Variants in NES observed in about 807,000 individuals in gnomAD.
The protein encoded by NES is nestin.
NES carries 27 observed loss-of-function variants against 35.6 expected under a neutral mutation model. The observed-to-expected ratio is 0.76, with a 90% CI of 0.56 to 1.04. The LOEUF (loss-of-function observed/expected upper bound fraction) is 1.04, where lower values mean the gene tolerates loss of function less well. Among genes scored for constraint, NES ranks in the 50% least tolerant of loss-of-function variants. The pLI is 0.00. For missense variants in NES, 1,867 were observed against 1,983.6 expected (o/e 0.94, Z 1.12); for synonymous variants, 822 against 824.2 (o/e 1.00, Z 0.04).
At chr1:156,674,674 G>A (rs1378403688) in intron 2 of NES, among the ~76,000 whole-genome samples, 3 of 152,204 alleles carry the variant, frequency 2.0e-5, no homozygotes, top group Non-Finnish European at 2.9e-5. Flanking sequence ...TGAAAGGCTG[G>A]GCAGGACCAA....
rs1466691267 is a variant in NES at position 156,677,045 on chromosome 1, T to G, written c.220A>C (p.Lys74Gln). The G allele has an allele frequency of 6.3e-7, 1 of 1,589,184 alleles. No homozygotes were observed. The highest frequency in any genetic ancestry group is 8.5e-7 in the Non-Finnish European group (1 of 1,170,682). ...RALVDQRWRE[K>Q]HAAEVARDNL... ...TCGCGCGCCACCTCGGCCGCGTGCT[T>G]CTCCCGCCAGCGTTGGTCAACGAGG... Residue 74 changes from lysine to glutamine, a missense_variant, in exon 1 of 4, where the codon AAG becomes CAG. Lys to Gln is a moderately conservative substitution (Grantham distance 53). Transcript: ENST00000368223. This position sits in a 1 kb window ranked among gnomAD's most constrained non-coding sequence, Gnocchi z 4.5.
Position 156,676,633 on chromosome 1 carries a change from AGCCGCTCGC to A in NES, c.623_631del (p.Arg208_Arg210del). The A allele has an allele frequency of 6.5e-7, 1 of 1,536,736 alleles. No homozygotes were observed. The highest frequency in any genetic ancestry group is 8.7e-7 in the Non-Finnish European group (1 of 1,154,488). On this transcript the variant is annotated inframe_deletion, in exon 1 of 4. Coordinates refer to ENST00000368223, the MANE Select transcript of NES (RefSeq NM_006617.2). The surrounding 1 kb of genome is among the most constrained non-coding windows in gnomAD (Gnocchi z 5.3). ...GCGGGCACCCTGCACCGCCCGGCCC[AGCCGCTCGC>A]GGGCCTGGCCCAGCGACGTCTCCAT...
At position 156,672,662 on chromosome 1, in the gene NES, G is replaced by A. The variant is rs1421960555; in HGVS notation, c.1526C>T (p.Thr509Ile). Residue 509 changes from threonine to isoleucine, a missense_variant, in exon 4 of 4, where the codon ACA (threonine) becomes ATA (isoleucine). Physicochemically the swap from Thr to Ile is moderately conservative, Grantham distance 89. Transcript: ENST00000368223. Reference protein sequence around the residue: ...GQIWGLVEKETAIEGKVVSSL... With the variant: ...GQIWGLVEKEIAIEGKVVSSL... ...GCTTACCACTTTGCCCTCTATGGCT[G>A]TTTCTTTCTCTACCAACCCCCAGAT... The A allele has an allele frequency of 1.9e-6, 3 of 1,613,854 alleles. No homozygotes were observed. The highest frequency in any genetic ancestry group is 2.2e-5 in the East Asian group (1 of 44,884).
Position 156,670,333 on chromosome 1 carries a change from C to A in NES, c.3855G>T (p.Glu1285Asp). 1.2e-6 allele frequency: 2 copies of A among 1,611,658 alleles called. No homozygotes were observed. Among genetic ancestry groups the A allele is most frequent in the South Asian group, 2.2e-5 (2 of 90,778 alleles). The change falls in exon 4 of 4, where the codon GAG becomes GAT. Residue 1285 changes from glutamate (E) to aspartate (D), a missense_variant. Glu to Asp is a conservative substitution (Grantham distance 45). Transcript: ENST00000368223. The part of the protein sequence containing the change: ...PQEEGEESRE[E>D]SEEDELGETL... ...TCTCCCCGAGCTCATCCTCCTCGCT[C>A]TCTTCTCTGCTCTCCTCCCCTTCCT...
intron 2 of NES, 47 bp downstream of exon 2, chr1:156,675,169 T>G (rs1309100968): frequency 3.8e-6 from 6 of 1,592,850 alleles, no homozygotes; most frequent in Non-Finnish European, 5.1e-6. Context: ...TGCCCCAGCA[T>G]GTGTGTGTGC....
At position 156,677,384 on chromosome 1, in the gene NES, G is replaced by A. The variant is rs546346721; in HGVS notation, c.-120C>T. ...GACGGGGACAATGACGGGGCGGGGCGGGGTGGGAGTAGCCTGAGCGACTGA... is the reference window on the plus strand; with the variant it reads ...GACGGGGACAATGACGGGGCGGGGCAGGGTGGGAGTAGCCTGAGCGACTGA... On this transcript the variant is annotated 5_prime_UTR_variant, in exon 1 of 4. Transcript: ENST00000368223. The surrounding 1 kb of genome is among the most constrained non-coding windows in gnomAD (Gnocchi z 4.5). 2 of 692,774 alleles carry A rather than the reference G, an allele frequency of 2.9e-6. No homozygotes were observed. Among genetic ancestry groups the A allele is most frequent in the South Asian group, 1.7e-5 (1 of 58,464 alleles). 42.9% of individuals were successfully genotyped at this position (692,774 alleles called of 1,614,324 possible).
Position 156,669,251 on chromosome 1 carries a change from G to A in NES, c.*71C>T, listed in dbSNP as rs1447844974. 9.6e-6 allele frequency: 10 copies of A among 1,038,916 alleles called. No homozygotes were observed. The highest frequency in any genetic ancestry group is 1.4e-5 in the Non-Finnish European group (10 of 715,802). The allele number at this position is 1,038,916 out of a possible 1,614,324, so 64.4% of individuals were successfully genotyped here. A position where few individuals can be genotyped will look rare whatever the true frequency, so the allele number is the denominator to read the frequency against. ...AGTTAAGAGTGCTGCTCCTGAGCAG[G>A]GAGCGGGCTTGGAGGCGTCCTTCCC... On this transcript the variant is annotated 3_prime_UTR_variant, in exon 4 of 4. Transcript: ENST00000368223.
At position 156,670,741 on chromosome 1, in the gene NES, A is replaced by G. The variant is rs1571462596; in HGVS notation, c.3447T>C (p.Gly1149=). Residue 1149 remains glycine (G), a synonymous_variant, in exon 4 of 4, where the codon GGT becomes GGC. Transcript: ENST00000368223. The part of the protein sequence containing the change: ...GPRKDLEEAG[G]LGTEFSELPG... ...GCAGCTCGGAGAACTCTGTCCCCAGACCACCTGCCTCCTCTAGGTCCTTTC... is the reference window on the plus strand; with the variant it reads ...GCAGCTCGGAGAACTCTGTCCCCAGGCCACCTGCCTCCTCTAGGTCCTTTC... The G allele has an allele frequency of 6.2e-7, 1 of 1,613,874 alleles. No homozygotes were observed. The highest frequency in any genetic ancestry group is 1.1e-5 in the South Asian group (1 of 91,062).
Position 156,673,133 on chromosome 1 carries a change from C to T in NES, c.1055G>A (p.Ser352Asn), listed in dbSNP as rs1679771129. 1.3e-6 allele frequency: 2 copies of T among 1,567,750 alleles called. No individual in the cohort carries two copies. Among genetic ancestry groups the T allele is most frequent in the African/African-American group, 1.4e-5 (1 of 73,630 alleles). Residue 352 changes from serine (S) to asparagine (N), a missense_variant, in exon 4 of 4, where the codon AGC becomes AAC. Coordinates refer to ENST00000368223, the MANE Select transcript of NES (RefSeq NM_006617.2). The stretch of plus-strand genomic sequence containing the variant: ...CAAGGGTGAGGGGAGGGAAGTTGGG[C>T]TCAGGACTGGGAGCAAAGATCCAAG... ...RRLGSLLPVL[S>N]PTSLPSPLPA...
chr1:156,670,000 C>T lies in NES; in HGVS notation c.4188G>A (p.Leu1396=). The change falls in exon 4 of 4, where the codon CTG becomes CTA. Residue 1396 remains leucine, a synonymous_variant. Coordinates refer to ENST00000368223, the MANE Select transcript of NES (RefSeq NM_006617.2). ...VAEPLGQVPQ[L]LLDPAAWDRD... is the part of the protein sequence containing the mutation. ...GATCCCAGGCTGCAGGATCCAGTAG[C>T]AGCTGGGGCACCTGGCCCAGAGGTT... is the stretch of plus-strand genomic sequence containing the variant. The T allele has an allele frequency of 6.2e-7, 1 of 1,613,994 alleles. No homozygotes were observed. Among genetic ancestry groups the T allele is most frequent in the Non-Finnish European group, 8.5e-7 (1 of 1,180,004 alleles).
Position 156,676,129 on chromosome 1 carries a change from C to T in NES, c.783+353G>A, listed in dbSNP as rs552632020. ...TGAGTGGCCAGGCCACCAGATTCAG[C>T]GCAGAGGCGACAGTGCTGGGTGTCC... On this transcript the variant is annotated intron_variant, in intron 1 of 3. Coordinates refer to ENST00000368223, the MANE Select transcript of NES (RefSeq NM_006617.2). This position sits in a 1 kb window ranked among gnomAD's most constrained non-coding sequence, Gnocchi z 5.3. 9.2e-5 allele frequency among the ~76,000 whole-genome samples: 14 copies of T among 152,330 alleles called. No homozygotes were observed. The highest frequency in any genetic ancestry group is 3.1e-4 in the African/African-American group (13 of 41,580).
Position 156,669,324 on chromosome 1 carries a change from A to C in NES, c.4864T>G (p.Ter1622GluextTer11). ...DRESWSSGED[*>E] Reference sequence around the variant, plus strand: ...AGTGCCGGGCAGATGGTCTTTTCCTAGTCCTCCCCTGAGGACCAGGACTCT... The same window carrying C: ...AGTGCCGGGCAGATGGTCTTTTCCTCGTCCTCCCCTGAGGACCAGGACTCT... The change falls in exon 4 of 4, where the codon TAG (stop) becomes GAG (glutamate). Residue 1622 changes from the stop codon to glutamate, a stop_lost. Transcript: ENST00000368223. The C allele has an allele frequency of 1.3e-6, 2 of 1,544,140 alleles. No individual in the cohort carries two copies. Among genetic ancestry groups the C allele is most frequent in the Non-Finnish European group, 1.8e-6 (2 of 1,139,738 alleles).
In NES at chr1:156,676,779, G is replaced by A. The variant is rs1172061690; in HGVS notation, c.486C>T (p.Pro162=). Residue 162 remains proline (P), a synonymous_variant, in exon 1 of 4, where the codon CCC becomes CCT. Transcript: ENST00000368223. The surrounding 1 kb of genome is among the most constrained non-coding windows in gnomAD (Gnocchi z 5.3). ...NAQAACAPRC[P]APPRGPPAPA... is the part of the protein sequence containing the mutation. ...GCGCGGGAGGCCCGCGGGGCGGCGC[G>A]GGGCAGCGGGGGGCACAGGCAGCCT... 7.3e-7 allele frequency: 1 copy of A among 1,369,078 alleles called. No individual in the cohort carries two copies. The highest frequency in any genetic ancestry group is 1.8e-5 in the South Asian group (1 of 56,886). The allele number at this position is 1,369,078 out of a possible 1,614,324, so 84.8% of individuals were successfully genotyped here. A position where few individuals can be genotyped will look rare whatever the true frequency, so the allele number is the denominator to read the frequency against.
Position 156,669,125 on chromosome 1 carries a change from T to A in NES, c.*197A>T. On this transcript the variant is annotated 3_prime_UTR_variant, in exon 4 of 4. Coordinates refer to ENST00000368223, the MANE Select transcript of NES (RefSeq NM_006617.2). ...TCCCTTTGCAGGGTGGGAGGTTATA[T>A]TCCTACAGCCTCCATTCTTGGAGTA... 1 of 466,364 alleles carries A rather than the reference T, an allele frequency of 2.1e-6. No homozygotes were observed. Among genetic ancestry groups the A allele is most frequent in the East Asian group, 3.1e-5 (1 of 31,944 alleles). The allele number at this position is 466,364 out of a possible 1,614,324, so 28.9% of individuals were successfully genotyped here.
Position 156,672,034 on chromosome 1 carries a change from G to C in NES, c.2154C>G (p.Asn718Lys). ...KEAFRSLEKE[N>K]QEPLKTLEEE... Reference sequence around the variant, plus strand: ...CTTCTAGAGTCTTCAGTGGCTCCTGGTTCTCTTTTTCTAGAGATCTAAAGG... The same window carrying C: ...CTTCTAGAGTCTTCAGTGGCTCCTGCTTCTCTTTTTCTAGAGATCTAAAGG... The change falls in exon 4 of 4, where the codon AAC becomes AAG. Residue 718 changes from asparagine to lysine, a missense_variant. Asn to Lys is a moderately conservative substitution (Grantham distance 94, BLOSUM62 0). Coordinates refer to ENST00000368223, the MANE Select transcript of NES (RefSeq NM_006617.2). The C allele has an allele frequency of 6.2e-7, 1 of 1,613,616 alleles. No individual in the cohort carries two copies. The highest frequency in any genetic ancestry group is 8.5e-7 in the Non-Finnish European group (1 of 1,179,976).
In NES at chr1:156,671,861, G is replaced by C; in HGVS notation, c.2327C>G (p.Thr776Arg). 1.9e-6 allele frequency: 3 copies of C among 1,613,886 alleles called. No homozygotes were observed. Among genetic ancestry groups the C allele is most frequent in the Non-Finnish European group, 2.5e-6 (3 of 1,179,946 alleles). Reference sequence around the variant, plus strand: ...ATCCACTTTTTCTGGGGGTCTTAATGTCATCTGATCCTGTTCCCCTAGAGA... The same window carrying C: ...ATCCACTTTTTCTGGGGGTCTTAATCTCATCTGATCCTGTTCCCCTAGAGA... Reference protein sequence around the residue: ...RRSLGEQDQMTLRPPEKVDLE... With the variant: ...RRSLGEQDQMRLRPPEKVDLE... The change falls in exon 4 of 4, where the codon ACA becomes AGA. Residue 776 changes from threonine (T) to arginine (R), a missense_variant. By Grantham distance (71) the Thr-to-Arg change is moderately conservative. Coordinates refer to ENST00000368223, the MANE Select transcript of NES (RefSeq NM_006617.2).
At position 156,672,220 on chromosome 1, in the gene NES, T is replaced by C. The variant is rs771727834; in HGVS notation, c.1968A>G (p.Leu656=). The part of the protein sequence containing the change: ...FLFPGTENQE[L]VSSLQENLES... ...CTAAGTTCTCTTGCAGAGAACTTACTAATTCTTGATTTTCCGTTCCTGGAA... is the reference window on the plus strand; with the variant it reads ...CTAAGTTCTCTTGCAGAGAACTTACCAATTCTTGATTTTCCGTTCCTGGAA... Residue 656 remains leucine (L), a synonymous_variant, in exon 4 of 4, where the codon TTA becomes TTG. Transcript: ENST00000368223. 1 of 1,600,158 alleles carries C rather than the reference T, an allele frequency of 6.2e-7. No homozygotes were observed. Among genetic ancestry groups the C allele is most frequent in the Non-Finnish European group, 8.5e-7 (1 of 1,176,020 alleles).
In NES at chr1:156,671,440, A is replaced by G; in HGVS notation, c.2748T>C (p.Asn916=). ...PEEVDKESQR[N]LEEEENLGKG... ...TTCCCAGGTTCTCTTCCTCTTCCAGATTCCTTTGACTTTCCTTGTCTACCT... is the reference window on the plus strand; with the variant it reads ...TTCCCAGGTTCTCTTCCTCTTCCAGGTTCCTTTGACTTTCCTTGTCTACCT... The change falls in exon 4 of 4, where the codon AAT becomes AAC. Residue 916 remains asparagine (N), a synonymous_variant. Coordinates refer to ENST00000368223, the MANE Select transcript of NES (RefSeq NM_006617.2). The G allele has an allele frequency of 1.2e-6, 2 of 1,613,812 alleles. No individual in the cohort carries two copies.
rs1456706566 is a variant in NES at position 156,673,545 on chromosome 1, A to C, written c.909-18T>G. ...GGAGGGTCCTGGAGAGGACAGAGGG[A>C]AAGTGGGGTCAGCCCTCTGCCCCCA... On this transcript the variant is annotated intron_variant, in intron 2 of 3. Coordinates refer to ENST00000368223, the MANE Select transcript of NES (RefSeq NM_006617.2). The C allele has an allele frequency of 5.0e-6, 8 of 1,586,368 alleles. No homozygotes were observed. Among genetic ancestry groups the C allele is most frequent in the Non-Finnish European group, 6.0e-6 (7 of 1,160,760 alleles).
Sources: gnomAD v4.1 joint callset for allele counts (sites outside exome capture counted in the v4.1 genomes callset) on GRCh38, gnomAD v4.1.1 for gene constraint, Gnocchi (gnomAD v3.1) non-coding constraint, MANE v1.5 for transcripts, NCBI Gene and HGNC (gene_info 2026-07-23, HGNC 2026-07-21) for gene names.